Variants in TMOD3 observed in about 807,000 individuals in gnomAD.
TMOD3 encodes the protein tropomodulin 3.
TMOD3 carries 20 observed loss-of-function variants against 39.2 expected under a neutral mutation model. The observed-to-expected ratio is 0.51, with a 90% CI of 0.36 to 0.74. The LOEUF is 0.74. TMOD3 is among the 30% of genes least tolerant of loss of function. The pLI is 0.00. For missense variants in TMOD3, 381 were observed against 412.8 expected (o/e 0.92, Z 0.67); for synonymous variants, 143 against 145.8 (o/e 0.98, Z 0.14).
chr15:51,884,651 TAAAA>T (rs1002302945), intron 3 of TMOD3: 9 of 145,878 alleles, frequency 6.2e-5, no homozygotes, highest in African/African-American at 2.0e-4. Context: ...TGACTAGCCT[TAAAA>T]AAAAAAAAGT....
intron 1 of TMOD3, 97 bp from the exon 2 acceptor site, chr15:51,862,714 G>T: frequency 2.1e-6 from 1 of 475,616 alleles, no homozygotes; most frequent in Non-Finnish European, 3.5e-6. Flanking sequence ...AAGAATATAT[G>T]ACACATGGAA....
chr15:51,869,356 A>G lies in TMOD3; in HGVS notation c.266A>G (p.Tyr89Cys), dbSNP rs1332941869. Residue 89 changes from tyrosine to cysteine, a missense_variant, in exon 3 of 10, where the codon TAC becomes TGC. Coordinates refer to ENST00000308580, the MANE Select transcript of TMOD3 (RefSeq NM_014547.5). ...EHKDREDYVP[Y>C]TGEKKGKIFI... is the part of the protein sequence containing the mutation. Reference sequence around the variant, plus strand: ...AAAGACAGGGAAGACTATGTGCCCTACACTGGAGAAAAAAAAGGTAAGCCC... The same window carrying G: ...AAAGACAGGGAAGACTATGTGCCCTGCACTGGAGAAAAAAAAGGTAAGCCC... 3.7e-6 allele frequency: 6 copies of G among 1,611,144 alleles called. 1 individual carries two copies. The Admixed American group carries it at 1.0e-4, about 27-fold the overall frequency.
At chr15:51,836,266 C>A (rs1207402189) in intron 1 of TMOD3, among the ~76,000 whole-genome samples, 1 of 152,062 alleles carries the variant, frequency 6.6e-6, no homozygotes, top group African/African-American at 2.4e-5. Flanking sequence ...AGAAATAAAC[C>A]CCTTACCATT....
At chr15:51,874,769 C>G (rs2056493166) in intron 3 of TMOD3, among the ~76,000 whole-genome samples, 1 of 152,024 alleles carries the variant, frequency 6.6e-6, no homozygotes, top group African/African-American at 2.4e-5. Context: ...TTTTTTTTCC[C>G]TGTGTTATTT....
At chr15:51,839,165 C>CTTTT (rs60102349) in intron 1 of TMOD3, among the ~76,000 whole-genome samples, 2 of 108,968 alleles carry the variant, frequency 1.8e-5, no homozygotes, top group Non-Finnish European at 4.0e-5. Context: ...GTGTATCTCT[C>CTTTT]TTTTTTTTTT....
At chr15:51,846,784 C>T (rs962748406) in intron 1 of TMOD3, among the ~76,000 whole-genome samples, 1 of 152,084 alleles carries the variant, frequency 6.6e-6, no homozygotes, top group Non-Finnish European at 1.5e-5. Flanking sequence ...GAGACTTGTT[C>T]GTATGATGTC....
intron 1 of TMOD3, among the ~76,000 whole-genome samples, chr15:51,835,459 C>T (rs1187053384): frequency 6.6e-6 from 1 of 152,148 alleles, no homozygotes; most frequent in African/African-American, 2.4e-5. Flanking sequence ...CAGGCATGCA[C>T]CACCATAACT....
chr15:51,900,501 C>T (rs888614407), intron 8 of TMOD3, among the ~76,000 whole-genome samples: 8 of 152,120 alleles, frequency 5.3e-5, no homozygotes, highest in African/African-American at 1.9e-4. Context: ...GGTGTATACT[C>T]TCCCTAGATC....
rs760541135 is a variant in TMOD3 at position 51,869,202 on chromosome 15, C to T, written c.127-15C>T. On this transcript the variant is annotated splice_polypyrimidine_tract_variant and intron_variant, in intron 2 of 9. Coordinates refer to ENST00000308580, the MANE Select transcript of TMOD3 (RefSeq NM_014547.5). ...TTCTTATTGGTCATATTGGCTGATTCATTCTCTCTGGCAGAATGCCCTTCT... is the reference window on the plus strand; with the variant it reads ...TTCTTATTGGTCATATTGGCTGATTTATTCTCTCTGGCAGAATGCCCTTCT... 1 of 1,610,034 alleles carries T rather than the reference C, an allele frequency of 6.2e-7. No homozygotes were observed. Among genetic ancestry groups the T allele is most frequent in the East Asian group, 2.2e-5 (1 of 44,834 alleles).
chr15:51,859,025 T>A (rs1213167947), intron 1 of TMOD3, among the ~76,000 whole-genome samples: 2 of 152,180 alleles, frequency 1.3e-5, no homozygotes, highest in Non-Finnish European at 2.9e-5. Flanking sequence ...TTAAATTTTT[T>A]AAAAAATTAA....
intron 2 of TMOD3, among the ~76,000 whole-genome samples, chr15:51,865,130 G>T (rs2056438986): frequency 6.6e-6 from 1 of 152,060 alleles, no homozygotes; most frequent in South Asian, 2.1e-4. Context: ...AGGACTACAG[G>T]CAAGCACCAC....
At chr15:51,900,397 A>T (rs1412929472) in intron 8 of TMOD3, 99 bp downstream of exon 8, 97 of 1,386,094 alleles carry the variant, frequency 7.0e-5, no homozygotes, top group Non-Finnish European at 9.4e-5. Flanking sequence ...GCTGTCAGGG[A>T]TCCCTGTTGG....
At chr15:51,830,453 A>G (rs911955250) in intron 1 of TMOD3, among the ~76,000 whole-genome samples, 1 of 151,958 alleles carries the variant, frequency 6.6e-6, no homozygotes, top group Non-Finnish European at 1.5e-5. Flanking sequence ...CTTGCGGGGG[A>G]TGGTGTGTTT....
At chr15:51,890,031 T>C (rs1263474914) in intron 5 of TMOD3, among the ~76,000 whole-genome samples, 1 of 152,176 alleles carries the variant, frequency 6.6e-6, no homozygotes, top group Non-Finnish European at 1.5e-5. Context: ...TTAACAATTT[T>C]GTATATACCC....
chr15:51,874,738 C>T (rs910855563), intron 3 of TMOD3, among the ~76,000 whole-genome samples: 39 of 152,114 alleles, frequency 2.6e-4, no homozygotes, highest in African/African-American at 8.5e-4. Context: ...TATCATGCTC[C>T]GCCCTTACCT....
intron 3 of TMOD3, among the ~76,000 whole-genome samples, chr15:51,883,127 C>T (rs1595904472): frequency 6.6e-6 from 1 of 152,096 alleles, no homozygotes; most frequent in African/African-American, 2.4e-5. Context: ...TCTCTACATA[C>T]AGAAAAATTA....
At chr15:51,862,716 C>T in intron 1 of TMOD3, 95 bp from the exon 2 acceptor site, 1 of 483,558 alleles carries the variant, frequency 2.1e-6, no homozygotes, top group Non-Finnish European at 3.5e-6. Context: ...GAATATATGA[C>T]ACATGGAAAT....
chr15:51,844,576 G>A (rs143301495), intron 1 of TMOD3, among the ~76,000 whole-genome samples: 3,704 of 152,202 alleles, frequency 0.024, 76 homozygotes, highest in Non-Finnish European at 0.037. Flanking sequence ...AGAGGCAGTA[G>A]TTAAATACTG....
chr15:51,891,746 GA>G (rs1316434003), intron 5 of TMOD3, among the ~76,000 whole-genome samples: 1 of 152,172 alleles, frequency 6.6e-6, no homozygotes, highest in Non-Finnish European at 1.5e-5. Flanking sequence ...ATTCAATGAG[GA>G]AGTTCTTCCC....
Sources: gnomAD v4.1 joint callset for allele counts (sites outside exome capture counted in the v4.1 genomes callset) on GRCh38, gnomAD v4.1.1 for gene constraint, MANE v1.5 for transcripts, NCBI Gene and HGNC (gene_info 2026-07-23, HGNC 2026-07-21) for gene names.